The following LIN54 variants were observed in gnomAD, a reference collection of about 807,000 sequenced individuals.
LIN54 encodes the protein lin-54 DREAM MuvB core complex component.
LIN54 carries 9 observed loss-of-function variants against 78.7 expected under a neutral mutation model. The observed-to-expected ratio is 0.11, with a 90% CI of 0.07 to 0.20. The LOEUF (loss-of-function observed/expected upper bound fraction) is 0.20. Ranked by LOEUF, LIN54 falls within the 10% of genes least tolerant of loss-of-function variation. The pLI is 1.00. For synonymous variants in LIN54, 269 were observed against 318.4 expected, an observed-to-expected ratio of 0.84 and a Z score of 1.65; for missense variants, 573 against 889.9, an observed-to-expected ratio of 0.64 and a Z score of 4.53.
intron 4 of LIN54, among the ~76,000 whole-genome samples, chr4:82,960,072 C>A (rs1038858796): frequency 1.3e-5 from 2 of 152,124 alleles, no homozygotes; most frequent in Non-Finnish European, 2.9e-5. Context: ...AGCTTTTTTA[C>A]CAAAACATAT....
intron 1 of LIN54, among the ~76,000 whole-genome samples, chr4:82,998,518 G>A (rs886407502): frequency 1.3e-5 from 2 of 149,248 alleles, no homozygotes; most frequent in Admixed American, 6.8e-5. Context: ...CTCGGGCGAC[G>A]GTGCGAGACT....
chr4:82,935,922 A>G, intron 11 of LIN54, 59 bp downstream of exon 11: 1 of 1,515,282 alleles, frequency 6.6e-7, no homozygotes, highest in East Asian at 2.3e-5. Context: ...AAATTTTTGT[A>G]GTAGGTCCTT....
upstream of LIN54, among the ~76,000 whole-genome samples, chr4:83,012,315 GCACGAAC>G (rs577235917): frequency 1.0e-3 from 158 of 152,246 alleles, no homozygotes; most frequent in African/African-American, 3.7e-3. Context: ...AAACGGACAC[GCACGAAC>G]AAGAGCCTGT....
At chr4:82,950,165 A>T (rs1036224160) in intron 4 of LIN54, among the ~76,000 whole-genome samples, 1 of 152,074 alleles carries the variant, frequency 6.6e-6, no homozygotes, top group African/African-American at 2.4e-5. Context: ...TAAACTACAG[A>T]TCATATTCCG....
chr4:82,968,122 G>A lies in LIN54; in HGVS notation c.951+2205C>T, dbSNP rs1034747071. Among the ~76,000 whole-genome samples the A allele has an allele frequency of 4.6e-5, 7 of 151,034 alleles. No homozygotes were observed. In the East Asian group the frequency reaches 7.8e-4, roughly 17 times the overall value. On this transcript the variant is annotated intron_variant, in intron 4 of 12. Coordinates refer to ENST00000340417, the MANE Select transcript of LIN54 (RefSeq NM_194282.4). The stretch of plus-strand genomic sequence containing the variant: ...CAATGGCAGGATCTCAGCTCACCGC[G>A]ACCTCTACCTCCTGGGTTCAAGCAA...
chr4:82,976,006 G>A (rs568023584), intron 3 of LIN54, among the ~76,000 whole-genome samples: 69 of 152,274 alleles, frequency 4.5e-4, no homozygotes, highest in Non-Finnish European at 5.9e-4. Flanking sequence ...TGAGTCAGCC[G>A]CAAGGAACGG....
In LIN54 at chr4:82,939,909, A is replaced by T. The variant is rs1370131092; in HGVS notation, c.1222T>A (p.Ser408Thr). The T allele has an allele frequency of 5.6e-6, 9 of 1,612,304 alleles. No homozygotes were observed. The highest frequency in any genetic ancestry group is 7.6e-6 in the Non-Finnish European group (9 of 1,179,450). ...CTTACTTGTTTGACAGCCTGAGCTG[A>T]GACAATTGGAACTGACATCCGCACT... Reference protein sequence around the residue: ...TPVRMSVPIVSAQAVKQVVPK... With the variant: ...TPVRMSVPIVTAQAVKQVVPK... Residue 408 changes from serine (S) to threonine (T), a missense_variant, in exon 6 of 13, where the codon TCA becomes ACA. Physicochemically the swap from Ser to Thr is moderately conservative, Grantham distance 58. Around this residue, in one of 6 missense-constraint regions of LIN54, gnomAD observed 199 missense variants for 260.9 expected, o/e 0.76. Transcript: ENST00000340417.
chr4:82,951,008 C>A (rs375720519), intron 4 of LIN54, among the ~76,000 whole-genome samples: 1 of 151,938 alleles, frequency 6.6e-6, no homozygotes, highest in Non-Finnish European at 1.5e-5. Context: ...TGTATAAATA[C>A]GTATTAATAT....
rs1398850388 is a variant in LIN54, at chr4:82,998,041, CACACGTATATATATATAT to C, written c.-33+12425_-33+12442del. Among the ~76,000 whole-genome samples the C allele has an allele frequency of 6.8e-4, 18 of 26,408 alleles. No individual in the cohort carries two copies. The South Asian group carries it at 0.031, about 45-fold the overall frequency. 17.3% of individuals were successfully genotyped at this position (26,408 alleles called of 152,430 possible). A position where few individuals can be genotyped will look rare whatever the true frequency, so the allele number is the denominator to read the frequency against. On this transcript the variant is annotated intron_variant, in intron 1 of 12. Transcript: ENST00000340417. ...ATATATAATAATATATATATATACA[CACACGTATATATATATAT>C]ACACGTATATATATATATACTAAAT... is the stretch of plus-strand genomic sequence containing the variant.
chr4:82,980,093 T>A (rs549394349), intron 2 of LIN54, among the ~76,000 whole-genome samples: 1 of 152,202 alleles, frequency 6.6e-6, no homozygotes, highest in Non-Finnish European at 1.5e-5. Flanking sequence ...AGAAACTATA[T>A]TTAATTCATC....
At chr4:82,995,448 C>A in intron 1 of LIN54, among the ~76,000 whole-genome samples, 1 of 144,924 alleles carries the variant, frequency 6.9e-6, no homozygotes, top group East Asian at 2.1e-4. Context: ...AACTACAGAA[C>A]AGAATATAGA....
In LIN54 at chr4:82,937,301, G is replaced by T. The variant is rs201608538; in HGVS notation, c.1533-3C>A. ...TGGCCGACTCTGATGGGATTATGCT[G>T]TACAGATAGAAAAAAAGATATACAT... On this transcript the variant is annotated splice_region_variant and splice_polypyrimidine_tract_variant and intron_variant, in intron 8 of 12. Transcript: ENST00000340417. 3 of 1,552,840 alleles carry T rather than the reference G, an allele frequency of 1.9e-6. No homozygotes were observed. The highest frequency in any genetic ancestry group is 1.2e-5 in the South Asian group (1 of 83,586).
At chr4:82,934,358 A>G (rs1722214705) in intron 11 of LIN54, among the ~76,000 whole-genome samples, 1 of 152,232 alleles carries the variant, frequency 6.6e-6, no homozygotes, top group Non-Finnish European at 1.5e-5. Flanking sequence ...GTGAGCCAAG[A>G]TCGCACCACT....
chr4:82,931,148 A>G lies in LIN54; in HGVS notation c.1846-3T>C. 6.2e-7 allele frequency: 1 copy of G among 1,613,190 alleles called. No homozygotes were observed. The highest frequency in any genetic ancestry group is 8.5e-7 in the Non-Finnish European group (1 of 1,179,346). ...ATTGAGGAACACATTATTTTTGCCT[A>G]AAAGATTTACATAAGAAAAGTTTCC... On this transcript the variant is annotated splice_region_variant and splice_polypyrimidine_tract_variant and intron_variant, in intron 11 of 12. Coordinates refer to ENST00000340417, the MANE Select transcript of LIN54 (RefSeq NM_194282.4).
rs199561950 is a variant in LIN54 at position 82,939,730 on chromosome 4, G to C, written c.1249C>G (p.Pro417Ala). ...VSAQAVKQVV[P>A]KPINPTSQIV... ...TGTGAAGTTGGATTGATTGGTTTTG[G>C]AACAACCTAAAAAGAAGGGACATAT... Residue 417 changes from proline (P) to alanine (A), a missense_variant, in exon 7 of 13, where the codon CCA (proline) becomes GCA (alanine). Physicochemically the swap from Pro to Ala is conservative, Grantham distance 27 (BLOSUM62 -1). Around this residue, in one of 6 missense-constraint regions of LIN54, gnomAD observed 199 missense variants for 260.9 expected, o/e 0.76. Transcript: ENST00000340417. The C allele has an allele frequency of 8.4e-5, 135 of 1,614,032 alleles. No homozygotes were observed. The East Asian group carries it at 2.9e-3, about 35-fold the overall frequency.
rs1364945602 is a variant in LIN54, at chr4:82,984,449, G to T, written c.396C>A (p.Thr132=). 6.2e-7 allele frequency: 1 copy of T among 1,614,146 alleles called. No individual in the cohort carries two copies. ...TTAACTTCTGTCCATCTGGTTTAAG[G>T]GTCTGATTGCCAAGTTTAAGATCAG... The part of the protein sequence containing the change: ...QTSDLKLGNQ[T]LKPDGQKLIL... Residue 132 remains threonine (T), a synonymous_variant, in exon 2 of 13, where the codon ACC becomes ACA. Coordinates refer to ENST00000340417, the MANE Select transcript of LIN54 (RefSeq NM_194282.4).
intron 12 of LIN54, among the ~76,000 whole-genome samples, chr4:82,929,219 T>C (rs2126025236): frequency 6.6e-6 from 1 of 152,348 alleles, no homozygotes; most frequent in African/African-American, 2.4e-5. Context: ...GAAACAAGCT[T>C]GTTAACATGC....
chr4:82,943,042 A>C (rs989387564), intron 5 of LIN54, among the ~76,000 whole-genome samples: 7 of 152,166 alleles, frequency 4.6e-5, no homozygotes, highest in African/African-American at 1.4e-4. Flanking sequence ...TAAAATACCT[A>C]GGGAAGGGGA....
At chr4:82,948,037 G>A (rs1265944216) in intron 4 of LIN54, among the ~76,000 whole-genome samples, 3 of 151,960 alleles carry the variant, frequency 2.0e-5, no homozygotes, top group African/African-American at 4.8e-5. Flanking sequence ...TTCAAAATAA[G>A]AGATAACAGC....
Sources: allele counts gnomAD v4.1 joint callset (sites outside exome capture counted in the v4.1 genomes callset), GRCh38; gene constraint gnomAD v4.1.1; regional missense constraint gnomAD v4.1.1; transcripts MANE v1.5; gene names NCBI Gene and HGNC (gene_info 2026-07-23, HGNC 2026-07-21).